The following SMAD2 variants were observed in gnomAD, a reference collection of about 807,000 sequenced individuals.
SMAD2 encodes SMAD family member 2, also known as MAD homolog 2.
Under a neutral mutation model 64.4 loss-of-function variants are expected in SMAD2, and 8 were observed. The ratio of observed to expected loss-of-function variants is 0.12; its 90% CI spans 0.07 to 0.22. SMAD2 has a LOEUF of 0.22. Ranked by LOEUF, SMAD2 falls within the 10% of genes least tolerant of loss-of-function variation. SMAD2 has a pLI of 1.00. For synonymous variants in SMAD2, 203 were observed against 195.8 expected (o/e 1.04, Z -0.31); for missense variants, 289 against 561.2 (o/e 0.51, Z 4.90).
At chr18:47,904,229 C>T (rs746306116) in intron 1 of SMAD2, among the ~76,000 whole-genome samples, 4 of 148,888 alleles carry the variant, frequency 2.7e-5, no homozygotes, top group Non-Finnish European at 5.9e-5. Flanking sequence ...GCTCCTTCCT[C>T]CCATTTGGTG....
rs761538667 is a variant in SMAD2 at position 47,835,504 on chromosome 18, GACTT to G, written c.*6319_*6322del. On this transcript the variant is annotated 3_prime_UTR_variant, in exon 11 of 11. Transcript: ENST00000262160. Reference sequence around the variant, plus strand: ...AGTGGCAAACAAATGTTTTCTTAGGGACTTACTGAGAAAAGAAAAAACTTACTGG... The same window carrying G: ...AGTGGCAAACAAATGTTTTCTTAGGGACTGAGAAAAGAAAAAACTTACTGG... The G allele has an allele frequency of 2.0e-5, 4 of 195,690 alleles. No homozygotes were observed. The highest frequency in any genetic ancestry group is 4.2e-5 in the Non-Finnish European group (4 of 94,240). 12.1% of individuals were successfully genotyped at this position (195,690 alleles called of 1,614,324 possible). A position where few individuals can be genotyped will look rare whatever the true frequency, so the allele number is the denominator to read the frequency against.
At chr18:47,860,956 C>T (rs1348839895) in intron 6 of SMAD2, among the ~76,000 whole-genome samples, 1 of 152,064 alleles carries the variant, frequency 6.6e-6, no homozygotes, top group African/African-American at 2.4e-5. Context: ...TGTGTTCTTC[C>T]TATAATCAGA....
At chr18:47,842,465 A>G (rs961963102) in intron 10 of SMAD2, among the ~76,000 whole-genome samples, 1 of 152,014 alleles carries the variant, frequency 6.6e-6, no homozygotes, top group African/African-American at 2.4e-5. Flanking sequence ...ACTTGAACCC[A>G]AGAGGCAGAG....
At chr18:47,902,594 C>A (rs763592260) in intron 1 of SMAD2, among the ~76,000 whole-genome samples, 2 of 152,114 alleles carry the variant, frequency 1.3e-5, no homozygotes, top group East Asian at 3.9e-4. Flanking sequence ...CAACAGAAAA[C>A]GTGTCAGTTA....
chr18:47,848,584 T>G lies in SMAD2; in HGVS notation c.888A>C (p.Ser296=), dbSNP rs1914762466. The G allele has an allele frequency of 6.2e-7, 1 of 1,612,568 alleles. No homozygotes were observed. Among genetic ancestry groups the G allele is most frequent in the Non-Finnish European group, 8.5e-7 (1 of 1,178,614 alleles). Residue 296 remains serine, a synonymous_variant, in exon 8 of 11, where the codon TCA becomes TCC. Transcript: ENST00000262160. ...VGETFHASQP[S]LTVDGFTDPS... ...GGTCTGTAAAGCCATCTACAGTGAG[T>G]GAGGGCTGTGATGCATGGAAGGTTT...
rs375635779 is a variant in SMAD2, at chr18:47,826,564, C to G, written c.*15263G>C. The G allele has an allele frequency of 1.3e-5, 2 of 152,204 alleles. No homozygotes were observed. Among genetic ancestry groups the G allele is most frequent in the African/African-American group, 2.4e-5 (1 of 41,442 alleles). 9.4% of individuals were successfully genotyped at this position (152,204 alleles called of 1,614,324 possible). A position where few individuals can be genotyped will look rare whatever the true frequency, so the allele number is the denominator to read the frequency against. Reference sequence around the variant, plus strand: ...GAGGCATGTGGAAAAATGCCAAGTCCTTCCAGGTGAGGCCAACTCCCTCAT... The same window carrying G: ...GAGGCATGTGGAAAAATGCCAAGTCGTTCCAGGTGAGGCCAACTCCCTCAT... On this transcript the variant is annotated 3_prime_UTR_variant, in exon 11 of 11. Coordinates refer to ENST00000262160, the MANE Select transcript of SMAD2 (RefSeq NM_005901.6).
chr18:47,900,470 A>T (rs1209200488), intron 1 of SMAD2, among the ~76,000 whole-genome samples: 1 of 151,972 alleles, frequency 6.6e-6, no homozygotes, highest in Admixed American at 6.6e-5. Flanking sequence ...TTCAATTCCT[A>T]TTATTTAAAT....
intron 6 of SMAD2, among the ~76,000 whole-genome samples, chr18:47,862,777 G>A (rs1295732340): frequency 2.0e-5 from 3 of 152,170 alleles, no homozygotes; most frequent in African/African-American, 7.2e-5. Context: ...TGAATTGTGA[G>A]TTATGAAATC....
chr18:47,847,899 T>C (rs1045827694), intron 8 of SMAD2, among the ~76,000 whole-genome samples: 2 of 151,994 alleles, frequency 1.3e-5, no homozygotes, highest in African/African-American at 4.8e-5. Context: ...ACTATGAAAA[T>C]AGCTTTGACC....
intron 2 of SMAD2, among the ~76,000 whole-genome samples, chr18:47,873,282 A>G (rs907254710): frequency 2.5e-4 from 38 of 152,320 alleles, no homozygotes; most frequent in African/African-American, 8.7e-4. Context: ...CAAACTATAC[A>G]AAGAAACATT....
At position 47,831,074 on chromosome 18, in the gene SMAD2, T is replaced by G. The variant is rs982020448; in HGVS notation, c.*10753A>C. The G allele has an allele frequency of 1.3e-5, 2 of 152,296 alleles. No homozygotes were observed. The highest frequency in any genetic ancestry group is 2.9e-5 in the Non-Finnish European group (2 of 68,106). 9.4% of individuals were successfully genotyped at this position (152,296 alleles called of 1,614,324 possible). A position where few individuals can be genotyped will look rare whatever the true frequency, so the allele number is the denominator to read the frequency against. On this transcript the variant is annotated 3_prime_UTR_variant, in exon 11 of 11. Coordinates refer to ENST00000262160, the MANE Select transcript of SMAD2 (RefSeq NM_005901.6). ...CTCAGAACCACTGCCCCCAAATGACTGCTCAGAAGCACAATCTCACTGCAA... is the reference window on the plus strand; with the variant it reads ...CTCAGAACCACTGCCCCCAAATGACGGCTCAGAAGCACAATCTCACTGCAA...
intron 2 of SMAD2, among the ~76,000 whole-genome samples, chr18:47,885,132 TACACACACACACACACACAC>T (rs57342899): frequency 6.3e-4 from 89 of 142,190 alleles, no homozygotes; most frequent in East Asian, 1.9e-3. Flanking sequence ...TTTAGTCATA[TACACACACACACACACACAC>T]ACACACACAC....
At chr18:47,848,119 C>A (rs1040874006) in intron 8 of SMAD2, among the ~76,000 whole-genome samples, 2 of 150,708 alleles carry the variant, frequency 1.3e-5, no homozygotes, top group South Asian at 2.1e-4. Flanking sequence ...TGAAAAAAAA[C>A]AAAAACAAAA....
chr18:47,907,343 T>C (rs573460432), intron 1 of SMAD2, among the ~76,000 whole-genome samples: 3 of 152,266 alleles, frequency 2.0e-5, no homozygotes, highest in South Asian at 4.1e-4. Context: ...GGAACAAATA[T>C]GAATGAGCTT....
At chr18:47,870,454 G>A (rs375138977) in intron 3 of SMAD2, 21 bp downstream of exon 3, 19 of 1,563,408 alleles carry the variant, frequency 1.2e-5, no homozygotes, top group East Asian at 2.2e-5. Flanking sequence ...TCTAAGATTC[G>A]ACAGAGGGCA....
chr18:47,865,270 C>A, intron 5 of SMAD2, 137 bp from the exon 6 acceptor site: 2 of 604,542 alleles, frequency 3.3e-6, no homozygotes, highest in Non-Finnish European at 5.9e-6. Flanking sequence ...AGTAATATTG[C>A]ATACTGAGGG....
intron 6 of SMAD2, among the ~76,000 whole-genome samples, chr18:47,852,727 ACTTT>A (rs1032234517): frequency 3.5e-4 from 53 of 152,098 alleles, no homozygotes; most frequent in Admixed American, 9.2e-4. Context: ...GGTAAATTAC[ACTTT>A]CTTAGAAAAT....
intron 8 of SMAD2, among the ~76,000 whole-genome samples, chr18:47,846,378 TA>T (rs537982263): frequency 2.9e-4 from 43 of 150,070 alleles, no homozygotes; most frequent in Admixed American, 8.0e-4. Context: ...ATATAAGAAT[TA>T]AAAAAAAAAT....
intron 7 of SMAD2, among the ~76,000 whole-genome samples, chr18:47,849,625 T>G (rs1914894014): frequency 6.6e-6 from 1 of 152,158 alleles, no homozygotes. Flanking sequence ...GTAACTTAAA[T>G]TCACGTCATC....
Sources: allele counts gnomAD v4.1 joint callset (sites outside exome capture counted in the v4.1 genomes callset), GRCh38; gene constraint gnomAD v4.1.1; transcripts MANE v1.5; gene names NCBI Gene and HGNC (gene_info 2026-07-23, HGNC 2026-07-21).